RALA: variants seen among roughly 807,000 people sequenced by gnomAD.
The protein encoded by RALA is ras-related protein Ral-A.
A neutral mutation model predicts 24.0 loss-of-function variants in RALA; 5 were observed. The observed-to-expected ratio is 0.21, with a 90% CI of 0.11 to 0.44. The LOEUF (loss-of-function observed/expected upper bound fraction) is 0.44. RALA is among the 20% of genes least tolerant of loss of function. The pLI is 0.99. For synonymous variants in RALA, 77 were observed against 83.8 expected (o/e 0.92, Z 0.44); for missense variants, 95 against 241.2 (o/e 0.39, Z 4.01).
At chr7:39,660,337 A>G (rs1792166083) in intron 1 of RALA, among the ~76,000 whole-genome samples, 2 of 145,896 alleles carry the variant, frequency 1.4e-5, no homozygotes, top group African/African-American at 2.4e-5. Context: ...CAGAGACTCC[A>G]TCTCAAAAAA....
intron 3 of RALA, among the ~76,000 whole-genome samples, chr7:39,696,005 A>T (rs1033660285): frequency 6.6e-6 from 1 of 152,222 alleles, no homozygotes; most frequent in Non-Finnish European, 1.5e-5. Context: ...TAAGGAAGGT[A>T]TAATTGTTGG....
Position 39,690,381 on chromosome 7 carries a change from GT to G in RALA, c.117del (p.Phe39LeufsTer17). 1 of 1,604,252 alleles carries G rather than the reference GT, an allele frequency of 6.2e-7. No individual in the cohort carries two copies. The highest frequency in any genetic ancestry group is 8.5e-7 in the Non-Finnish European group (1 of 1,175,998). On this transcript the variant is annotated frameshift_variant and splice_region_variant, in exon 3 of 5. Coordinates refer to ENST00000005257, the MANE Select transcript of RALA (RefSeq NM_005402.4). LOFTEE classifies it high-confidence loss of function. ...ALTLQFMYDE[F>X]VEDYEPTKAD... ...AATTGGTGTGTTTTTATCTTTTCTA[GT>G]TTGTGGAGGACTATGAGCCTACCAA...
At position 39,692,722 on chromosome 7, in the gene RALA, G is replaced by GAGT. The variant is rs994347029; in HGVS notation, c.323+2132_323+2133insAGT. On this transcript the variant is annotated intron_variant, in intron 3 of 4. Coordinates refer to ENST00000005257, the MANE Select transcript of RALA (RefSeq NM_005402.4). ...ATGCTTTTTCAGTATTGGTTTCCCT[G>GAGT]CAGCACCTGACTCAGAGTAGCTTAG... Among the ~76,000 whole-genome samples the GAGT allele has an allele frequency of 9.8e-4, 149 of 152,240 alleles. 1 individual carries two copies. The highest frequency in any genetic ancestry group is 3.3e-3 in the African/African-American group (139 of 41,546).
At chr7:39,624,987 A>G (rs546747277) in intron 1 of RALA, among the ~76,000 whole-genome samples, 7 of 152,300 alleles carry the variant, frequency 4.6e-5, no homozygotes, top group Admixed American at 3.9e-4. Context: ...ATAATACACT[A>G]TTATTGTGAA....
chr7:39,650,200 G>A (rs116146066), intron 1 of RALA, among the ~76,000 whole-genome samples: 15 of 152,152 alleles, frequency 9.9e-5, no homozygotes, highest in East Asian at 1.9e-4. Context: ...TGGAAGCATC[G>A]GGCTTACTAG....
intron 1 of RALA, among the ~76,000 whole-genome samples, chr7:39,668,564 T>G: frequency 6.6e-6 from 1 of 151,956 alleles, no homozygotes; most frequent in Non-Finnish European, 1.5e-5. Context: ...TTTGGGAGGC[T>G]GAGGTGGGTG....
chr7:39,655,103 G>A (rs780906219), intron 1 of RALA, among the ~76,000 whole-genome samples: 5 of 152,106 alleles, frequency 3.3e-5, no homozygotes, highest in Non-Finnish European at 7.4e-5. Context: ...TAGCATCATT[G>A]TTTAAAAAGT....
At chr7:39,633,635 G>A (rs951959689) in intron 1 of RALA, among the ~76,000 whole-genome samples, 7 of 152,188 alleles carry the variant, frequency 4.6e-5, no homozygotes, top group African/African-American at 1.7e-4. Context: ...CACCCTATCA[G>A]CAGGTTTGTA....
At chr7:39,704,466 C>T (rs1181601776) in intron 4 of RALA, among the ~76,000 whole-genome samples, 3 of 151,348 alleles carry the variant, frequency 2.0e-5, no homozygotes, top group African/African-American at 4.9e-5. Context: ...TACAGGCATA[C>T]GCCACCACAC....
chr7:39,638,930 T>G (rs1275872664), intron 1 of RALA, among the ~76,000 whole-genome samples: 1 of 152,224 alleles, frequency 6.6e-6, no homozygotes, highest in Non-Finnish European at 1.5e-5. Flanking sequence ...TTTAACCTCT[T>G]AAGAAATTGC....
At chr7:39,646,652 CAT>C (rs1791928114) in intron 1 of RALA, among the ~76,000 whole-genome samples, 1 of 152,174 alleles carries the variant, frequency 6.6e-6, no homozygotes, top group South Asian at 2.1e-4. Context: ...ATTGAATAGA[CAT>C]AAAATTGCTC....
chr7:39,626,949 A>G (rs539261819), intron 1 of RALA, among the ~76,000 whole-genome samples: 25 of 151,832 alleles, frequency 1.6e-4, no homozygotes, highest in Admixed American at 1.2e-3. Context: ...AAGTGGCAGA[A>G]GTCTTGTAAG....
At chr7:39,686,141 G>T (rs576750628) in intron 1 of RALA, among the ~76,000 whole-genome samples, 1 of 151,264 alleles carries the variant, frequency 6.6e-6, no homozygotes, top group South Asian at 2.1e-4. Flanking sequence ...GGGAGGTGGA[G>T]GCTACAGTAA....
At chr7:39,703,712 A>G (rs1793068655) in intron 4 of RALA, among the ~76,000 whole-genome samples, 1 of 152,230 alleles carries the variant, frequency 6.6e-6, no homozygotes, top group South Asian at 2.1e-4. Flanking sequence ...GTTATTTCCA[A>G]TTCAAATTTA....
At chr7:39,644,919 TAA>T (rs1233048918) in intron 1 of RALA, among the ~76,000 whole-genome samples, 1 of 152,220 alleles carries the variant, frequency 6.6e-6, no homozygotes, top group Non-Finnish European at 1.5e-5. Context: ...TACTTCATTT[TAA>T]AAAGTTTTGT....
At chr7:39,663,049 T>C (rs922052680) in intron 1 of RALA, among the ~76,000 whole-genome samples, 2 of 152,300 alleles carry the variant, frequency 1.3e-5, no homozygotes, top group Middle Eastern at 3.4e-3. Context: ...ACTTATTCAC[T>C]ACCATAAGAA....
chr7:39,694,843 G>C (rs1792889548), intron 3 of RALA, among the ~76,000 whole-genome samples: 1 of 151,662 alleles, frequency 6.6e-6, no homozygotes, highest in South Asian at 2.1e-4. Context: ...AGGAGTTCAA[G>C]ACCAGTCTGG....
At chr7:39,679,946 T>G (rs939394650) in intron 1 of RALA, among the ~76,000 whole-genome samples, 4 of 151,742 alleles carry the variant, frequency 2.6e-5, no homozygotes, top group Non-Finnish European at 5.9e-5. Flanking sequence ...CCTGACCTCA[T>G]GATCACCCTC....
chr7:39,699,625 G>T lies in RALA; in HGVS notation c.498+2766G>T, dbSNP rs571651793. 3.9e-5 allele frequency among the ~76,000 whole-genome samples: 6 copies of T among 152,328 alleles called. No individual in the cohort carries two copies. In the South Asian group the frequency reaches 1.2e-3, roughly 32 times the overall value. On this transcript the variant is annotated intron_variant, in intron 4 of 4. Transcript: ENST00000005257. ...AAATGAGGATAGAACTAAATGTGCT[G>T]ATATCAGATGATCTTCAATTATAAA... is the stretch of plus-strand genomic sequence containing the variant.
Sources: allele counts gnomAD v4.1 joint callset (sites outside exome capture counted in the v4.1 genomes callset), GRCh38; gene constraint gnomAD v4.1.1; transcripts MANE v1.5; gene names NCBI Gene and HGNC (gene_info 2026-07-23, HGNC 2026-07-21).